Variants in MED23 observed in about 807,000 individuals in gnomAD.
The protein encoded by MED23 is mediator complex subunit 23, also known as mediator of RNA polymerase II transcription subunit 23.
Under a neutral mutation model 163.9 loss-of-function variants are expected in MED23, and 105 were observed. The ratio of observed to expected loss-of-function variants is 0.64; its 90% CI spans 0.55 to 0.75. The LOEUF is 0.75. Ranked by LOEUF, MED23 falls within the 30% of genes least tolerant of loss-of-function variation. The probability of loss-of-function intolerance (pLI) is 0.00; values close to 1 mark genes in which losing one functional copy is unlikely to be tolerated. For missense variants in MED23, 1,054 were observed against 1,649.0 expected (o/e 0.64, Z 6.25); for synonymous variants, 561 against 565.6 (o/e 0.99, Z 0.12).
chr6:131,617,919 T>C (rs554039118), intron 9 of MED23, among the ~76,000 whole-genome samples: 2 of 152,332 alleles, frequency 1.3e-5, no homozygotes, highest in African/African-American at 2.4e-5. Context: ...TTAAGTATCA[T>C]TGTAAGGAAG....
chr6:131,613,211 G>A (rs901669571), intron 10 of MED23, among the ~76,000 whole-genome samples: 6 of 152,226 alleles, frequency 3.9e-5, no homozygotes, highest in African/African-American at 1.4e-4. Context: ...AAGAGCTTGA[G>A]GAGTGTATCT....
chr6:131,620,578 G>A (rs769469576), intron 7 of MED23, 50 bp downstream of exon 7: 70 of 1,358,032 alleles, frequency 5.2e-5, no homozygotes, highest in Non-Finnish European at 7.0e-5. Flanking sequence ...TGTGAGCCAC[G>A]AAGCCCAGCC....
chr6:131,625,895 G>T lies in MED23; in HGVS notation c.160-906C>A, dbSNP rs556952856. Among the ~76,000 whole-genome samples the T allele has an allele frequency of 9.9e-5, 15 of 152,000 alleles. No individual in the cohort carries two copies. In the South Asian group the frequency reaches 2.3e-3, roughly 23 times the overall value. ...CCCAGCACTTTGGGAGGCCGAGGTG[G>T]GCAGATCATGAGGTCGGGAGATCGA... On this transcript the variant is annotated intron_variant, in intron 3 of 28. Coordinates refer to ENST00000368068, the MANE Select transcript of MED23 (RefSeq NM_004830.4).
chr6:131,627,747 T>C (rs1414490950), intron 1 of MED23, 75 bp from the exon 2 acceptor site: 30 of 1,381,842 alleles, frequency 2.2e-5, no homozygotes, highest in African/African-American at 4.4e-5. Flanking sequence ...AGTATTACAA[T>C]GTAACACAGG....
At chr6:131,584,618 C>T (rs1212817223), downstream of MED23, among the ~76,000 whole-genome samples, 2 of 152,044 alleles carry the variant, frequency 1.3e-5, no homozygotes, top group African/African-American at 2.4e-5. Flanking sequence ...TTTACTTTTT[C>T]TAAACCTCAA....
intron 30 of MED23, among the ~76,000 whole-genome samples, chr6:131,575,180 A>G (rs1305128662): frequency 6.6e-6 from 1 of 152,210 alleles, no homozygotes; most frequent in Non-Finnish European, 1.5e-5. Context: ...GTGTCAACTA[A>G]GGGGTCTATG....
At position 131,590,649 on chromosome 6, in the gene MED23, G is replaced by C. The variant is rs183503421; in HGVS notation, c.3687-207C>G. ...TATTTTTATTTATTTATTTTTTTGAGACGGAGTCTCACACTGTTGCCTGGG... is the reference window on the plus strand; with the variant it reads ...TATTTTTATTTATTTATTTTTTTGACACGGAGTCTCACACTGTTGCCTGGG... On this transcript the variant is annotated intron_variant, in intron 26 of 28. Transcript: ENST00000368068. Among the ~76,000 whole-genome samples the C allele has an allele frequency of 4.7e-4, 72 of 152,088 alleles. 2 individuals are homozygous for C. Among genetic ancestry groups the C allele is most frequent in the African/African-American group, 1.7e-3 (71 of 41,462 alleles).
rs572041979 is a variant in MED23, at chr6:131,621,752, G to T, written c.495+129C>A. On this transcript the variant is annotated intron_variant, in intron 6 of 28. Transcript: ENST00000368068. ...AAGGGAACTAGCATCTTTTAAAATA[G>T]AAGTGATTTTTTTTTGGTAGAAGAA... 2.0e-5 allele frequency: 11 copies of T among 541,956 alleles called. No homozygotes were observed. The South Asian group carries it at 3.8e-4, about 19-fold the overall frequency. The allele number at this position is 541,956 out of a possible 1,614,324, so 33.6% of individuals were successfully genotyped here.
At chr6:131,626,369 A>AAGG (rs1777502027) in intron 3 of MED23, among the ~76,000 whole-genome samples, 1 of 152,074 alleles carries the variant, frequency 6.6e-6, no homozygotes, top group Admixed American at 6.5e-5. Context: ...GATTGGTTAA[A>AAGG]AGGAGGAAGG....
At chr6:131,588,400 T>A (rs1169775852) in intron 28 of MED23, among the ~76,000 whole-genome samples, 2 of 152,244 alleles carry the variant, frequency 1.3e-5, no homozygotes, top group African/African-American at 4.8e-5. Flanking sequence ...CATCAAGTCG[T>A]TTCACAGCTT....
chr6:131,579,423 T>A, intron 30 of MED23: 3 of 912,000 alleles, frequency 3.3e-6, no homozygotes, highest in East Asian at 2.7e-5. Flanking sequence ...TTTAAAAAAA[T>A]TTTATAGGTT....
At chr6:131,625,102 A>C in intron 3 of MED23, 113 bp from the exon 4 acceptor site, 1 of 1,174,708 alleles carries the variant, frequency 8.5e-7, no homozygotes, top group Non-Finnish European at 1.2e-6. Flanking sequence ...CTTCACTATG[A>C]GCATCTGTGG....
At chr6:131,583,083 T>C (rs936518459), downstream of MED23, 2 of 1,613,428 alleles carry the variant, frequency 1.2e-6, no homozygotes, top group African/African-American at 2.7e-5. Context: ...ACTCTAGGCA[T>C]TAAATACTTT....
At chr6:131,606,663 A>C (rs746585481) in intron 12 of MED23, 39 bp from the exon 13 acceptor site, 5 of 1,491,080 alleles carry the variant, frequency 3.4e-6, no homozygotes, top group Non-Finnish European at 3.7e-6. Context: ...CAATAGAAGA[A>C]AGAGAAGAAT....
chr6:131,610,922 C>G (rs1221051823), intron 10 of MED23, among the ~76,000 whole-genome samples: 2 of 152,010 alleles, frequency 1.3e-5, no homozygotes, highest in African/African-American at 2.4e-5. Flanking sequence ...ACTTTAAAAT[C>G]TAAAACAAGA....
chr6:131,578,495 TA>T (rs1190440945), intron 30 of MED23, among the ~76,000 whole-genome samples: 2 of 152,124 alleles, frequency 1.3e-5, no homozygotes, highest in Non-Finnish European at 2.9e-5. Context: ...TTTTCCTTAC[TA>T]AAAAGAATAA....
At chr6:131,605,723 A>G (rs1167227051) in intron 13 of MED23, among the ~76,000 whole-genome samples, 1 of 152,200 alleles carries the variant, frequency 6.6e-6, no homozygotes, top group Non-Finnish European at 1.5e-5. Flanking sequence ...TATGCACTAC[A>G]TATATGACCA....
rs764364108 is a variant in MED23 at position 131,606,522 on chromosome 6, T to C, written c.1324A>G (p.Lys442Glu). 6.2e-7 allele frequency: 1 copy of C among 1,613,670 alleles called. No individual in the cohort carries two copies. The highest frequency in any genetic ancestry group is 1.7e-5 in the Admixed American group (1 of 59,990). Residue 442 changes from lysine (K) to glutamate (E), a missense_variant, in exon 13 of 29, where the codon AAG becomes GAG. Around this residue, in one of 11 missense-constraint regions of MED23, gnomAD observed 39 missense variants for 50.5 expected, o/e 0.77. Transcript: ENST00000368068. ...GAATGAGGTATTGGAATCTGTAGCT[T>C]GGAGTTGTCATTTTGAGCTTTTCTA... ...LNRKAQNDNS[K>E]LQIPIPHSLR...
At position 131,598,235 on chromosome 6, in the gene MED23, A is replaced by C. The variant is rs778644224; in HGVS notation, c.2607+52T>G. On this transcript the variant is annotated intron_variant, in intron 20 of 28. Transcript: ENST00000368068. This position sits in a 1 kb window ranked among gnomAD's most constrained non-coding sequence, Gnocchi z 4.7. ...AGAGCAGATTGGCATAACATATATTAGTCATACATCTTGATCTAAGAGAAT... is the reference window on the plus strand; with the variant it reads ...AGAGCAGATTGGCATAACATATATTCGTCATACATCTTGATCTAAGAGAAT... The C allele has an allele frequency of 6.6e-7, 1 of 1,504,930 alleles. No individual in the cohort carries two copies. The highest frequency in any genetic ancestry group is 1.7e-5 in the Admixed American group (1 of 59,722). 93.2% of individuals were successfully genotyped at this position (1,504,930 alleles called of 1,614,324 possible). A position where few individuals can be genotyped will look rare whatever the true frequency, so the allele number is the denominator to read the frequency against.
Sources: allele counts gnomAD v4.1 joint callset (sites outside exome capture counted in the v4.1 genomes callset), GRCh38; gene constraint gnomAD v4.1.1; regional missense constraint gnomAD v4.1.1; non-coding constraint Gnocchi (gnomAD v3.1); transcripts MANE v1.5; gene names NCBI Gene and HGNC (gene_info 2026-07-23, HGNC 2026-07-21).